CFAP20DC: variants seen among roughly 807,000 people sequenced by gnomAD.
CFAP20DC encodes the protein protein CFAP20DC.
Under a neutral mutation model 101.7 loss-of-function variants are expected in CFAP20DC, and 84 were observed. That is an observed-to-expected ratio of 0.83 (90% CI 0.69 to 0.99). The LOEUF (loss-of-function observed/expected upper bound fraction) is 0.99, where lower values mean the gene tolerates loss of function less well. Ranked by LOEUF, CFAP20DC falls within the 50% of genes least tolerant of loss-of-function variation. The pLI, the probability that CFAP20DC is intolerant of heterozygous loss-of-function variation, is 0.00. For missense variants in CFAP20DC, 1,007 were observed against 970.3 expected (o/e 1.04, Z -0.50); for synonymous variants, 359 against 351.2 (o/e 1.02, Z -0.25).
intron 15 of CFAP20DC, among the ~76,000 whole-genome samples, chr3:58,786,155 T>C (rs2072315569): frequency 6.6e-6 from 1 of 152,166 alleles, no homozygotes; most frequent in South Asian, 2.1e-4. Flanking sequence ...CTAATCCTTC[T>C]TTTATTACAG....
chr3:58,866,504 A>G (rs2079705092), intron 11 of CFAP20DC, 62 bp downstream of exon 11: 3 of 1,371,942 alleles, frequency 2.2e-6, no homozygotes, highest in Non-Finnish European at 3.0e-6. Context: ...CTGGATTTGA[A>G]ATATTTACCA....
At chr3:58,727,873 G>A (rs766053380) in intron 3 of CFAP20DC, 1 of 152,206 alleles carries the variant, frequency 6.6e-6, no homozygotes, top group Non-Finnish European at 1.5e-5. Flanking sequence ...TGATGGAGAA[G>A]CCAGCATCTT....
At chr3:58,848,593 C>A (rs1464235458) in intron 13 of CFAP20DC, among the ~76,000 whole-genome samples, 1 of 152,090 alleles carries the variant, frequency 6.6e-6, no homozygotes, top group Non-Finnish European at 1.5e-5. Context: ...TCACTCATAT[C>A]ATTTATTATT....
downstream of CFAP20DC, among the ~76,000 whole-genome samples, chr3:58,737,580 A>G (rs2067787502): frequency 1.3e-5 from 2 of 152,214 alleles, no homozygotes. This position sits in a 1 kb window ranked among gnomAD's most constrained non-coding sequence, Gnocchi z 4.1. Flanking sequence ...AGTCTATTAA[A>G]GCCACTGAGA....
chr3:58,913,979 C>G lies in CFAP20DC; in HGVS notation c.394-115G>C. The G allele has an allele frequency of 9.1e-7, 1 of 1,104,962 alleles. No homozygotes were observed. 68.4% of individuals were successfully genotyped at this position (1,104,962 alleles called of 1,614,324 possible). ...GGCAGTTATCCTGATCAACAAGCCC[C>G]AAACTAATTTTCCTCTTTAGGTAAA... is the stretch of plus-strand genomic sequence containing the variant. On this transcript the variant is annotated intron_variant, in intron 5 of 16. Transcript: ENST00000482387. This position sits in a 1 kb window ranked among gnomAD's most constrained non-coding sequence, Gnocchi z 4.4.
intron 15 of CFAP20DC, among the ~76,000 whole-genome samples, chr3:58,760,849 G>T (rs866010388): frequency 6.6e-6 from 1 of 152,110 alleles, no homozygotes; most frequent in Non-Finnish European, 1.5e-5. Flanking sequence ...ATTTATTTGC[G>T]TATGTTGAAC....
chr3:58,846,745 C>T (rs1283315113), intron 13 of CFAP20DC, among the ~76,000 whole-genome samples: 2 of 147,988 alleles, frequency 1.4e-5, no homozygotes, highest in Admixed American at 6.8e-5. Context: ...GGAGGCATCA[C>T]ACTACCTGAC....
chr3:58,847,361 G>A, intron 13 of CFAP20DC, among the ~76,000 whole-genome samples: 1 of 151,156 alleles, frequency 6.6e-6, no homozygotes, highest in Admixed American at 6.6e-5. Flanking sequence ...TGAAGGACAT[G>A]AACAGACACT....
At chr3:58,943,493 C>G (rs1387909612) in intron 4 of CFAP20DC, among the ~76,000 whole-genome samples, 1 of 152,000 alleles carries the variant, frequency 6.6e-6, no homozygotes, top group Non-Finnish European at 1.5e-5. Context: ...TGACTGTTAG[C>G]AAAAAACTAA....
Position 59,010,576 on chromosome 3 carries a change from C to T in CFAP20DC, c.278+28981G>A, listed in dbSNP as rs867739559. ...ATTCATACAACAATTACTACTAGGCCTAAGAAATGAGGTAGATGACAACAC... is the reference window on the plus strand; with the variant it reads ...ATTCATACAACAATTACTACTAGGCTTAAGAAATGAGGTAGATGACAACAC... On this transcript the variant is annotated intron_variant, in intron 4 of 16. Transcript: ENST00000482387. Among the ~76,000 whole-genome samples, 6 of 152,128 alleles carry T rather than the reference C, an allele frequency of 3.9e-5. No individual in the cohort carries two copies. The South Asian group carries it at 1.2e-3, about 32-fold the overall frequency.
chr3:58,942,775 T>G (rs916996638), intron 4 of CFAP20DC, among the ~76,000 whole-genome samples: 2 of 152,190 alleles, frequency 1.3e-5, no homozygotes, highest in African/African-American at 4.8e-5. Context: ...CAAGTGGTCT[T>G]GCTCAGTGGA....
chr3:58,939,721 G>A (rs1175491063), intron 4 of CFAP20DC, among the ~76,000 whole-genome samples: 1 of 148,794 alleles, frequency 6.7e-6, no homozygotes, highest in Non-Finnish European at 1.5e-5. Flanking sequence ...CCCTCCCAAA[G>A]TGCTGGGATT....
chr3:58,999,148 G>C (rs1168400089), intron 4 of CFAP20DC, among the ~76,000 whole-genome samples: 1 of 152,216 alleles, frequency 6.6e-6, no homozygotes, highest in African/African-American at 2.4e-5. Context: ...CTGCAGATCT[G>C]TAAGTATGGT....
intron 4 of CFAP20DC, among the ~76,000 whole-genome samples, chr3:59,021,306 G>A (rs941832284): frequency 3.3e-5 from 5 of 152,032 alleles, no homozygotes; most frequent in East Asian, 1.9e-4. Flanking sequence ...GAGTGGCATC[G>A]AAGTATAATA....
At chr3:58,967,578 A>G (rs1362052858) in intron 4 of CFAP20DC, among the ~76,000 whole-genome samples, 2 of 152,218 alleles carry the variant, frequency 1.3e-5, no homozygotes, top group Non-Finnish European at 2.9e-5. Context: ...GACAACCCAT[A>G]GAATGGGAGG....
In CFAP20DC at chr3:58,913,649, T is replaced by C. The variant is rs1005258358; in HGVS notation, c.550+59A>G. 2 of 1,545,318 alleles carry C rather than the reference T, an allele frequency of 1.3e-6. No individual in the cohort carries two copies. The highest frequency in any genetic ancestry group is 1.8e-6 in the Non-Finnish European group (2 of 1,118,686). On this transcript the variant is annotated intron_variant, in intron 6 of 16. Coordinates refer to ENST00000482387, the MANE Select transcript of CFAP20DC (RefSeq NM_001394063.1). The surrounding 1 kb of genome is among the most constrained non-coding windows in gnomAD (Gnocchi z 4.4). ...ACACACTCATACTATCCCAAAGGTA[T>C]GGCTAATTTTAAAAATACATCAGAG...
downstream of CFAP20DC, among the ~76,000 whole-genome samples, chr3:58,741,045 A>T (rs924014056): frequency 1.3e-5 from 2 of 152,244 alleles, no homozygotes; most frequent in African/African-American, 4.8e-5. Flanking sequence ...TTGGAACAGG[A>T]GTCCAAATCT....
chr3:58,790,346 G>A (rs916706817), intron 15 of CFAP20DC, among the ~76,000 whole-genome samples: 1 of 152,204 alleles, frequency 6.6e-6, no homozygotes, highest in African/African-American at 2.4e-5. Flanking sequence ...GTAGAAGAGG[G>A]TGGTTCCCTG....
intron 4 of CFAP20DC, among the ~76,000 whole-genome samples, chr3:59,016,572 G>T (rs2093694383): frequency 6.6e-6 from 1 of 152,106 alleles, no homozygotes; most frequent in African/African-American, 2.4e-5. Context: ...ATGAGGTGAT[G>T]AGTGTTAATT....
Sources: gnomAD v4.1 joint callset for allele counts (sites outside exome capture counted in the v4.1 genomes callset) on GRCh38, gnomAD v4.1.1 for gene constraint, Gnocchi (gnomAD v3.1) non-coding constraint, MANE v1.5 for transcripts, NCBI Gene and HGNC (gene_info 2026-07-23, HGNC 2026-07-21) for gene names.